The following CATSPERE variants were observed in gnomAD, a reference collection of about 807,000 sequenced individuals.
The protein encoded by CATSPERE is catsper channel auxiliary subunit epsilon, also known as cation channel sperm-associated auxiliary subunit epsilon.
CATSPERE carries 93 observed loss-of-function variants against 114.1 expected under a neutral mutation model. The observed-to-expected ratio is 0.81, with a 90% CI of 0.69 to 0.97. The LOEUF (loss-of-function observed/expected upper bound fraction) is 0.97, where lower values mean the gene tolerates loss of function less well. Ranked by LOEUF, CATSPERE falls within the 50% of genes least tolerant of loss-of-function variation. CATSPERE has a pLI of 0.00. For missense variants in CATSPERE, 1,058 were observed against 1,131.6 expected (o/e 0.93, Z 0.93); for synonymous variants, 341 against 384.1 (o/e 0.89, Z 1.31).
chr1:244,587,059 A>G (rs1380966079), intron 13 of CATSPERE, among the ~76,000 whole-genome samples: 1 of 152,208 alleles, frequency 6.6e-6, no homozygotes, highest in South Asian at 2.1e-4. Context: ...AGCAACATGT[A>G]TCTAAGCATT....
intron 18 of CATSPERE, among the ~76,000 whole-genome samples, chr1:244,606,562 T>A (rs1342956306): frequency 6.6e-6 from 1 of 151,406 alleles, no homozygotes; most frequent in Non-Finnish European, 1.5e-5. Context: ...AGAACTGAGT[T>A]CCACCTGCCA....
chr1:244,512,091 G>A (rs1332979198), intron 7 of CATSPERE, among the ~76,000 whole-genome samples: 1 of 152,160 alleles, frequency 6.6e-6, no homozygotes, highest in Admixed American at 6.5e-5. Context: ...ATCTTGCAAG[G>A]CTTGGGAAGT....
At chr1:244,490,615 C>G (rs1212069038) in intron 6 of CATSPERE, 144 bp downstream of exon 6, 1 of 530,044 alleles carries the variant, frequency 1.9e-6, no homozygotes. Flanking sequence ...CTATAAGACC[C>G]ATTCAGGAGG....
In CATSPERE at chr1:244,561,143, T is replaced by C. The variant is rs1214124119; in HGVS notation, c.1505T>C (p.Ile502Thr). 6.4e-7 allele frequency: 1 copy of C among 1,550,694 alleles called. No individual in the cohort carries two copies. The change falls in exon 10 of 22, where the codon ATA (isoleucine) becomes ACA (threonine). Residue 502 changes from isoleucine (I) to threonine (T), a missense_variant and splice_region_variant. By Grantham distance (89) the Ile-to-Thr change is moderately conservative (BLOSUM62 -1). This residue lies in a region of CATSPERE where 787 missense variants were observed against 905.6 expected (regional missense o/e 0.87). Transcript: ENST00000366534. ...SNDSIIHEVF[I>T]DYYGDILVKM... The stretch of plus-strand genomic sequence containing the variant: ...GACAGCATTATTCATGAAGTTTTCA[T>C]AGGTAAGGCATTCTCAGTCCACTAA...
intron 18 of CATSPERE, 29 bp downstream of exon 18, chr1:244,605,823 T>G (rs1558580965): frequency 6.9e-7 from 1 of 1,443,184 alleles, no homozygotes; most frequent in Non-Finnish European, 9.7e-7. Context: ...TAACCAGAAT[T>G]TAGCATGCAA....
At chr1:244,453,446 T>A (rs1665812179), upstream of CATSPERE, among the ~76,000 whole-genome samples, 1 of 152,254 alleles carries the variant, frequency 6.6e-6, no homozygotes, top group Non-Finnish European at 1.5e-5. Context: ...TTTGCCTGTC[T>A]TGATGAATTG....
rs1369538791 is a variant in CATSPERE, at chr1:244,552,815, G to T, written c.1029+1G>T. ...GTGTTGGGTCAATTATTTATTAAAG[G>T]TTAGTAAAAGATATTTTATATTTTA... On this transcript the variant is annotated splice_donor_variant, in intron 9 of 21. Coordinates refer to ENST00000366534, the MANE Select transcript of CATSPERE (RefSeq NM_001130957.2). LOFTEE classifies it high-confidence loss of function. 7.2e-7 allele frequency: 1 copy of T among 1,392,420 alleles called. No homozygotes were observed. 86.3% of individuals were successfully genotyped at this position (1,392,420 alleles called of 1,614,324 possible). A position where few individuals can be genotyped will look rare whatever the true frequency, so the allele number is the denominator to read the frequency against.
intron 14 of CATSPERE, among the ~76,000 whole-genome samples, chr1:244,589,395 C>T (rs377535501): frequency 5.9e-5 from 9 of 152,262 alleles, no homozygotes; most frequent in Admixed American, 1.3e-4. Flanking sequence ...TCTCATTCAG[C>T]ATTTCCTAAA....
In CATSPERE at chr1:244,591,720, C is replaced by T. The variant is rs768721075; in HGVS notation, c.2178C>T (p.Tyr726=). The T allele has an allele frequency of 4.2e-5, 64 of 1,513,466 alleles. No individual in the cohort carries two copies. The highest frequency in any genetic ancestry group is 2.2e-4 in the South Asian group (19 of 85,820). 93.8% of individuals were successfully genotyped at this position (1,513,466 alleles called of 1,614,324 possible). The change falls in exon 15 of 22, where the codon TAC becomes TAT. Residue 726 remains tyrosine, a synonymous_variant. Coordinates refer to ENST00000366534, the MANE Select transcript of CATSPERE (RefSeq NM_001130957.2). ...KKGCHHHDFS[Y]VIEKSYLRHQ... ...GATGTCATCACCATGATTTTTCATA[C>T]GTGATTGAAAAGTAAGAAATTTTTT...
chr1:244,476,440 T>C (rs1669356925), intron 2 of CATSPERE, among the ~76,000 whole-genome samples: 1 of 152,212 alleles, frequency 6.6e-6, no homozygotes, highest in South Asian at 2.1e-4. Context: ...ACTATATTTA[T>C]GGCTTTTGAA....
chr1:244,625,300 G>A (rs928738091), intron 20 of CATSPERE, among the ~76,000 whole-genome samples: 15 of 148,330 alleles, frequency 1.0e-4, no homozygotes, highest in Non-Finnish European at 2.2e-4. Context: ...ACCTCCATCT[G>A]AGCTCTTGGG....
chr1:244,509,063 T>TC (rs1675285334), intron 7 of CATSPERE, among the ~76,000 whole-genome samples: 1 of 151,976 alleles, frequency 6.6e-6, no homozygotes, highest in Non-Finnish European at 1.5e-5. Flanking sequence ...CTTTTTTTTT[T>TC]CTTTTGTCTA....
chr1:244,625,354 G>T (rs1417619736), intron 20 of CATSPERE, among the ~76,000 whole-genome samples: 25 of 45,512 alleles, frequency 5.5e-4, no homozygotes, highest in Non-Finnish European at 2.4e-4. Context: ...TTGTTTTTTG[G>T]GGGGGTTTAT....
intron 19 of CATSPERE, among the ~76,000 whole-genome samples, chr1:244,610,887 A>G (rs7548745): frequency 0.056 from 8,549 of 151,812 alleles, 781 homozygotes; most frequent in African/African-American, 0.2. Flanking sequence ...CAGCCTCCTG[A>G]GTAGCTGGGA....
At chr1:244,571,219 C>T (rs1287112707) in intron 10 of CATSPERE, among the ~76,000 whole-genome samples, 1 of 152,250 alleles carries the variant, frequency 6.6e-6, no homozygotes, top group East Asian at 1.9e-4. Flanking sequence ...AAGTAGAATA[C>T]AATTTATAGT....
At position 244,573,018 on chromosome 1, in the gene CATSPERE, C is replaced by A; in HGVS notation, c.1950+246C>A. 6.6e-6 allele frequency among the ~76,000 whole-genome samples: 1 copy of A among 151,746 alleles called. No individual in the cohort carries two copies. On this transcript the variant is annotated intron_variant, in intron 11 of 21. Coordinates refer to ENST00000366534, the MANE Select transcript of CATSPERE (RefSeq NM_001130957.2). The surrounding 1 kb of genome is among the most constrained non-coding windows in gnomAD (Gnocchi z 4.0). ...AAAACTCATTGTCAATTGTATTGTTCACTTCTTCTTCTTTTTTTTTTTAAT... is the reference window on the plus strand; with the variant it reads ...AAAACTCATTGTCAATTGTATTGTTAACTTCTTCTTCTTTTTTTTTTTAAT...
At chr1:244,529,202 A>G (rs1045505500) in intron 8 of CATSPERE, among the ~76,000 whole-genome samples, 1 of 152,156 alleles carries the variant, frequency 6.6e-6, no homozygotes, top group African/African-American at 2.4e-5. Context: ...TAGCACTGGG[A>G]TTGCTGGATC....
intron 2 of CATSPERE, among the ~76,000 whole-genome samples, chr1:244,473,629 C>CT (rs565407092): frequency 4.6e-5 from 7 of 151,060 alleles, no homozygotes; most frequent in East Asian, 1.9e-4. Context: ...ATTTATCAAC[C>CT]TTTTTTTTTG....
At chr1:244,601,831 G>A (rs1669272998) in intron 17 of CATSPERE, among the ~76,000 whole-genome samples, 1 of 152,126 alleles carries the variant, frequency 6.6e-6, no homozygotes, top group Non-Finnish European at 1.5e-5. Context: ...GTGGGCGCCT[G>A]TAATCCCAGC....
Sources: gnomAD v4.1 joint callset for allele counts (sites outside exome capture counted in the v4.1 genomes callset) on GRCh38, gnomAD v4.1.1 for gene constraint, gnomAD v4.1.1 regional missense constraint, Gnocchi (gnomAD v3.1) non-coding constraint, MANE v1.5 for transcripts, NCBI Gene and HGNC (gene_info 2026-07-23, HGNC 2026-07-21) for gene names.